The following ICOS variants were observed in gnomAD, a reference collection of about 807,000 sequenced individuals.
The protein encoded by ICOS is inducible T-cell costimulator.
Under a neutral mutation model 24.6 loss-of-function variants are expected in ICOS, and 15 were observed. That is an observed-to-expected ratio of 0.61 (90% CI 0.41 to 0.94). ICOS has a LOEUF of 0.94. Among genes scored for constraint, ICOS ranks in the 40% least tolerant of loss-of-function variants. The pLI, the probability that ICOS is intolerant of heterozygous loss-of-function variation, is 0.00. For missense variants in ICOS, 200 were observed against 233.0 expected (o/e 0.86, Z 0.92); for synonymous variants, 89 against 77.5 (o/e 1.15, Z -0.78).
At chr2:203,959,282 C>T (rs979181267) in intron 4 of ICOS, among the ~76,000 whole-genome samples, 1 of 152,180 alleles carries the variant, frequency 6.6e-6, no homozygotes, top group Non-Finnish European at 1.5e-5. Flanking sequence ...CTAGAACAGT[C>T]AGCCCATGCA....
chr2:203,951,110 A>G (rs1689966200), intron 1 of ICOS, among the ~76,000 whole-genome samples: 1 of 151,912 alleles, frequency 6.6e-6, no homozygotes, highest in Non-Finnish European at 1.5e-5. Context: ...TGAAATCTTC[A>G]GCTGATGTCA....
At chr2:203,938,407 G>A (rs895992410) in intron 1 of ICOS, among the ~76,000 whole-genome samples, 3 of 152,222 alleles carry the variant, frequency 2.0e-5, no homozygotes, top group Non-Finnish European at 4.4e-5. Flanking sequence ...TAGGGAACTA[G>A]AAGAAAGCAG....
intron 1 of ICOS, 151 bp downstream of exon 1, chr2:203,937,023 A>G: frequency 1.5e-6 from 1 of 668,630 alleles, no homozygotes; most frequent in South Asian, 1.7e-5. Flanking sequence ...GCACCATGTC[A>G]CTCATGTCAC....
chr2:203,957,429 A>G (rs1690096469), intron 3 of ICOS, among the ~76,000 whole-genome samples: 1 of 152,032 alleles, frequency 6.6e-6, no homozygotes, highest in South Asian at 2.1e-4. Flanking sequence ...AACTGACACC[A>G]CTCTGCATAT....
intron 1 of ICOS, among the ~76,000 whole-genome samples, chr2:203,942,534 A>G (rs1689796394): frequency 6.6e-6 from 1 of 152,210 alleles, no homozygotes; most frequent in African/African-American, 2.4e-5. Context: ...TGTACAATGT[A>G]ATTTCATATC....
chr2:203,940,786 T>C (rs1042343329), intron 1 of ICOS, among the ~76,000 whole-genome samples: 1 of 152,160 alleles, frequency 6.6e-6, no homozygotes, highest in African/African-American at 2.4e-5. Context: ...TGTGTGTTTC[T>C]ATTAATTTTT....
At chr2:203,939,072 C>T (rs1044599668) in intron 1 of ICOS, among the ~76,000 whole-genome samples, 1 of 152,194 alleles carries the variant, frequency 6.6e-6, no homozygotes, top group Non-Finnish European at 1.5e-5. Context: ...CTTTCTCATG[C>T]CATGAAGATG....
chr2:203,956,224 A>G (rs1229010455), intron 2 of ICOS, among the ~76,000 whole-genome samples: 3 of 152,146 alleles, frequency 2.0e-5, no homozygotes, highest in African/African-American at 4.8e-5. Context: ...CCTTTTAAAC[A>G]CATATGCTAT....
At chr2:203,950,977 T>A (rs535878246) in intron 1 of ICOS, among the ~76,000 whole-genome samples, 26 of 152,136 alleles carry the variant, frequency 1.7e-4, no homozygotes, top group South Asian at 1.5e-3. Flanking sequence ...GCAGAATCGC[T>A]TGAACCTAGG....
Position 203,959,788 on chromosome 2 carries a change from G to T in ICOS, c.*189G>T, listed in dbSNP as rs1690145156. The T allele has an allele frequency of 2.4e-5, 16 of 665,800 alleles. 1 individual carries two copies. In the South Asian group the frequency reaches 2.7e-4, roughly 11 times the overall value. The allele number at this position is 665,800 out of a possible 1,614,324, so 41.2% of individuals were successfully genotyped here. Reference sequence around the variant, plus strand: ...GATTTTAACAGACTGCCTTGGTACTGCCGAGTCCTCTCAAAACAAACACCC... The same window carrying T: ...GATTTTAACAGACTGCCTTGGTACTTCCGAGTCCTCTCAAAACAAACACCC... On this transcript the variant is annotated 3_prime_UTR_variant, in exon 5 of 5. Coordinates refer to ENST00000316386, the MANE Select transcript of ICOS (RefSeq NM_012092.4).
intron 1 of ICOS, among the ~76,000 whole-genome samples, chr2:203,952,209 A>T (rs1689991721): frequency 6.6e-6 from 1 of 152,192 alleles, no homozygotes; most frequent in Admixed American, 6.5e-5. Context: ...ATTAGGCTGA[A>T]TTTTGTGATA....
intron 1 of ICOS, among the ~76,000 whole-genome samples, chr2:203,947,418 C>T (rs972926522): frequency 7.2e-5 from 11 of 152,096 alleles, no homozygotes; most frequent in African/African-American, 2.7e-4. Context: ...AAGCGATTCT[C>T]CTGCCTCAGC....
chr2:203,954,920 AT>A (rs1690052026), intron 1 of ICOS, among the ~76,000 whole-genome samples: 1 of 150,392 alleles, frequency 6.6e-6, no homozygotes, highest in African/African-American at 2.4e-5. Context: ...ACAATTATTC[AT>A]TTTTAAACTA....
Position 203,955,632 on chromosome 2 carries a change from G to A in ICOS, c.59-4G>A. On this transcript the variant is annotated splice_region_variant and splice_polypyrimidine_tract_variant and intron_variant, in intron 1 of 4. Transcript: ENST00000316386. ...TTTGCTTTGTTTTCTTTCTTTTTAT[G>A]CAGGAGAAATCAATGGTTCTGCCAA... 1.2e-6 allele frequency: 2 copies of A among 1,604,898 alleles called. No homozygotes were observed. The highest frequency in any genetic ancestry group is 1.7e-6 in the Non-Finnish European group (2 of 1,171,844).
At chr2:203,936,952 C>A (rs1396577337) in intron 1 of ICOS, 80 bp downstream of exon 1, 4 of 1,067,458 alleles carry the variant, frequency 3.7e-6, no homozygotes, top group Non-Finnish European at 5.7e-6. Context: ...AAAAATTACG[C>A]ACCCAAAAGA....
At chr2:203,957,959 T>C in intron 4 of ICOS, 76 bp downstream of exon 4, 1 of 930,076 alleles carries the variant, frequency 1.1e-6, no homozygotes, top group Non-Finnish European at 1.7e-6. Context: ...TTTTTTTTTT[T>C]TAATTTTAAA....
intron 1 of ICOS, among the ~76,000 whole-genome samples, chr2:203,948,324 C>A (rs533278879): frequency 1.3e-5 from 2 of 152,140 alleles, no homozygotes; most frequent in African/African-American, 4.8e-5. Context: ...TAATCCTGGG[C>A]AAGATAGTCA....
At chr2:203,950,369 C>T (rs1268168496) in intron 1 of ICOS, among the ~76,000 whole-genome samples, 1 of 152,058 alleles carries the variant, frequency 6.6e-6, no homozygotes, top group African/African-American at 2.4e-5. Flanking sequence ...GATAATTAAC[C>T]CACTCCTGTG....
At chr2:203,950,111 C>T (rs947953325) in intron 1 of ICOS, among the ~76,000 whole-genome samples, 2 of 152,222 alleles carry the variant, frequency 1.3e-5, no homozygotes, top group Admixed American at 6.5e-5. Flanking sequence ...CTGTTGCTAT[C>T]ACTGAATACC....
Sources: allele counts gnomAD v4.1 joint callset (sites outside exome capture counted in the v4.1 genomes callset), GRCh38; gene constraint gnomAD v4.1.1; transcripts MANE v1.5; gene names NCBI Gene and HGNC (gene_info 2026-07-23, HGNC 2026-07-21).